The following POLR3GL variants were observed in gnomAD, a reference collection of about 807,000 sequenced individuals.
The protein encoded by POLR3GL is RNA polymerase III subunit GL.
In POLR3GL, 26 loss-of-function variants were observed where a neutral mutation model predicts 32.4. The observed-to-expected ratio is 0.80, with a 90% confidence interval of 0.59 to 1.11. POLR3GL has a LOEUF of 1.11. Ranked by LOEUF, POLR3GL falls within the 50% of genes most tolerant of loss-of-function variation. POLR3GL has a pLI of 0.00. For missense variants in POLR3GL, 229 were observed against 280.1 expected (o/e 0.82, Z 1.30); for synonymous variants, 95 against 98.7 (o/e 0.96, Z 0.22).
chr1:145,971,841 C>T (rs1351881299), intron 1 of POLR3GL, among the ~76,000 whole-genome samples: 2 of 149,044 alleles, frequency 1.3e-5, no homozygotes, highest in Middle Eastern at 3.4e-3. Flanking sequence ...GGCGTGCGCC[C>T]GTAATCCCAG....
chr1:145,975,325 G>C lies in POLR3GL; in HGVS notation c.145G>C (p.Val49Leu), dbSNP rs782162472. The change falls in exon 3 of 8, where the codon GTA (valine) becomes CTA (leucine). Residue 49 changes from valine (V) to leucine (L), a missense_variant. Val to Leu is a conservative substitution (Grantham distance 32). Transcript: ENST00000369314. Reference protein sequence around the residue: ...PLFPPLEFRPVPLPSGEEGEY... With the variant: ...PLFPPLEFRPLPLPSGEEGEY... ...TCTTTAGCCCTTGGAGTTCCGCCCA[G>C]TACCTTTGCCCTCAGGCGAGGAAGG... 7 of 1,614,138 alleles carry C rather than the reference G, an allele frequency of 4.3e-6. No homozygotes were observed. The highest frequency in any genetic ancestry group is 5.1e-6 in the Non-Finnish European group (6 of 1,179,972).
intron 1 of POLR3GL, among the ~76,000 whole-genome samples, chr1:145,969,201 T>G (rs1234559448): frequency 2.6e-5 from 4 of 152,132 alleles, no homozygotes; most frequent in Non-Finnish European, 4.4e-5. Context: ...TGGGCCCAAG[T>G]GATCCTTCTG....
chr1:145,968,540 G>A (rs587735941), intron 1 of POLR3GL, among the ~76,000 whole-genome samples: 3 of 151,242 alleles, frequency 2.0e-5, no homozygotes, highest in Admixed American at 6.6e-5. Context: ...ATGTTCTCTC[G>A]CTTAAAAGGG....
chr1:145,978,783 G>C lies in POLR3GL; in HGVS notation c.*336G>C, dbSNP rs1208003227. 4.2e-6 allele frequency: 1 copy of C among 238,316 alleles called. No individual in the cohort carries two copies. The highest frequency in any genetic ancestry group is 2.3e-5 in the African/African-American group (1 of 44,080). The allele number at this position is 238,316 out of a possible 1,614,324, so 14.8% of individuals were successfully genotyped here. ...ATATAGCTCTTTGTGGAGATAATTA[G>C]GGGTGGGAGCAGTTTGAAGGAGTAA... On this transcript the variant is annotated 3_prime_UTR_variant, in exon 8 of 8. Transcript: ENST00000369314.
intron 1 of POLR3GL, among the ~76,000 whole-genome samples, chr1:145,970,284 TA>T (rs1209723455): frequency 1.3e-5 from 2 of 152,122 alleles, no homozygotes; most frequent in Non-Finnish European, 2.9e-5. Flanking sequence ...TAGCTGGGAC[TA>T]CTGGCATGTG....
At chr1:145,976,937 T>C (rs1484987056) in intron 3 of POLR3GL, 147 bp from the exon 4 acceptor site, 23 of 541,252 alleles carry the variant, frequency 4.2e-5, no homozygotes, top group Middle Eastern at 9.9e-4. Flanking sequence ...AAAAAGTAGA[T>C]AAGGTCCTCA....
At position 145,978,572 on chromosome 1, in the gene POLR3GL, G is replaced by A; in HGVS notation, c.*125G>A. ...TATAATCTGTCTGTTCCCTGGAGAT[G>A]GGAATAGAGGATGATGACAGTTTAT... On this transcript the variant is annotated 3_prime_UTR_variant, in exon 8 of 8. Coordinates refer to ENST00000369314, the MANE Select transcript of POLR3GL (RefSeq NM_032305.3). 1 of 697,688 alleles carries A rather than the reference G, an allele frequency of 1.4e-6. No homozygotes were observed. Among genetic ancestry groups the A allele is most frequent in the Non-Finnish European group, 2.6e-6 (1 of 389,452 alleles). 43.2% of individuals were successfully genotyped at this position (697,688 alleles called of 1,614,324 possible).
At chr1:145,971,822 G>A (rs1177645501) in intron 1 of POLR3GL, among the ~76,000 whole-genome samples, 3 of 150,750 alleles carry the variant, frequency 2.0e-5, no homozygotes. Context: ...AAAATTAGCC[G>A]GGCGTAGTGG....
chr1:145,971,540 AT>A (rs1259404422), intron 1 of POLR3GL, among the ~76,000 whole-genome samples: 1 of 152,168 alleles, frequency 6.6e-6, no homozygotes, highest in Non-Finnish European at 1.5e-5. Flanking sequence ...GTGAAGTACC[AT>A]TTTATCATGT....
chr1:145,965,796 A>G (rs887646079), intron 1 of POLR3GL, among the ~76,000 whole-genome samples: 8 of 152,228 alleles, frequency 5.3e-5, no homozygotes, highest in African/African-American at 1.7e-4. Flanking sequence ...AGCTAAAGGA[A>G]ATGCATTCCA....
intron 1 of POLR3GL, among the ~76,000 whole-genome samples, chr1:145,971,384 T>G (rs1172566406): frequency 6.6e-6 from 1 of 151,272 alleles, no homozygotes; most frequent in Non-Finnish European, 1.5e-5. Flanking sequence ...TCCTCTTAAG[T>G]GTGACGGGTT....
At chr1:145,964,923 T>C (rs1040284337) in intron 1 of POLR3GL, among the ~76,000 whole-genome samples, 155 bp downstream of exon 1, 4 of 152,232 alleles carry the variant, frequency 2.6e-5, no homozygotes, top group Admixed American at 2.0e-4. Context: ...ATTGATTGTA[T>C]ACTAGAGAAT....
intron 1 of POLR3GL, among the ~76,000 whole-genome samples, chr1:145,966,917 C>A (rs1650063375): frequency 6.6e-6 from 1 of 151,896 alleles, no homozygotes; most frequent in Admixed American, 6.6e-5. Flanking sequence ...TGATGAATAT[C>A]CTTTTACTTA....
chr1:145,965,664 A>T (rs1312981428), intron 1 of POLR3GL, among the ~76,000 whole-genome samples: 3 of 152,198 alleles, frequency 2.0e-5, no homozygotes, highest in Non-Finnish European at 4.4e-5. Context: ...GTAAATTTTT[A>T]CCCAGCTTCT....
intron 1 of POLR3GL, among the ~76,000 whole-genome samples, chr1:145,972,012 A>ATATATATATATATATATATATGTG (rs782186587): frequency 8.9e-6 from 1 of 112,622 alleles, no homozygotes; most frequent in African/African-American, 4.1e-5. Flanking sequence ...ATATATATAT[A>ATATATATATATATATATATATGTG]CGTGTGTGTG....
Position 145,978,671 on chromosome 1 carries a change from C to T in POLR3GL, c.*224C>T, listed in dbSNP as rs1318579849. The T allele has an allele frequency of 1.9e-6, 1 of 532,696 alleles. No homozygotes were observed. The highest frequency in any genetic ancestry group is 3.3e-6 in the Non-Finnish European group (1 of 299,608). 33.0% of individuals were successfully genotyped at this position (532,696 alleles called of 1,614,324 possible). On this transcript the variant is annotated 3_prime_UTR_variant, in exon 8 of 8. Coordinates refer to ENST00000369314, the MANE Select transcript of POLR3GL (RefSeq NM_032305.3). ...GGGAAAGTGCAAAGGACAAACATCT[C>T]AATTGTATGAAGGGAGAAAGGAGAA...
intron 1 of POLR3GL, among the ~76,000 whole-genome samples, chr1:145,972,675 T>A (rs1245404291): frequency 6.6e-6 from 1 of 152,118 alleles, no homozygotes; most frequent in Non-Finnish European, 1.5e-5. Flanking sequence ...ATATGTTTAT[T>A]TTTTTCGTTT....
intron 1 of POLR3GL, among the ~76,000 whole-genome samples, chr1:145,971,530 G>A (rs1197931147): frequency 6.6e-6 from 1 of 152,128 alleles, no homozygotes; most frequent in Non-Finnish European, 1.5e-5. Context: ...GATCACAGAG[G>A]TGAAGTACCA....
intron 1 of POLR3GL, among the ~76,000 whole-genome samples, chr1:145,974,497 G>A (rs963557087): frequency 6.6e-6 from 1 of 152,158 alleles, no homozygotes. Context: ...CTGGGTGACA[G>A]AGCATCTCTA....
Sources: allele counts gnomAD v4.1 joint callset (sites outside exome capture counted in the v4.1 genomes callset), GRCh38; gene constraint gnomAD v4.1.1; transcripts MANE v1.5; gene names NCBI Gene and HGNC (gene_info 2026-07-23, HGNC 2026-07-21).